The following SRBD1 variants were observed in gnomAD, a reference collection of about 807,000 sequenced individuals.
SRBD1 encodes the protein S1 RNA-binding domain-containing protein 1.
Under a neutral mutation model 115.3 loss-of-function variants are expected in SRBD1, and 88 were observed. The observed-to-expected ratio is 0.76, with a 90% CI of 0.64 to 0.91. The LOEUF (loss-of-function observed/expected upper bound fraction) is 0.91, where lower values mean the gene tolerates loss of function less well. SRBD1 is among the 40% of genes least tolerant of loss of function. SRBD1 has a pLI of 0.00. For missense variants in SRBD1, 1,385 were observed against 1,177.4 expected (o/e 1.18, Z -2.58); for synonymous variants, 509 against 407.7 (o/e 1.25, Z -2.99).
intron 16 of SRBD1, among the ~76,000 whole-genome samples, chr2:45,451,721 T>C (rs1669003348): frequency 6.6e-6 from 1 of 151,786 alleles, no homozygotes; most frequent in South Asian, 2.1e-4. Flanking sequence ...CAACAAGTCT[T>C]TTCTTTTTTT....
At chr2:45,466,330 T>C (rs1669489854) in intron 16 of SRBD1, among the ~76,000 whole-genome samples, 1 of 152,098 alleles carries the variant, frequency 6.6e-6, no homozygotes, top group Non-Finnish European at 1.5e-5. Flanking sequence ...CTTAGGCTAT[T>C]CCTGGAGGCA....
intron 16 of SRBD1, among the ~76,000 whole-genome samples, chr2:45,435,574 A>G (rs200495125): frequency 1.1e-4 from 2 of 18,166 alleles, no homozygotes; most frequent in East Asian, 6.4e-4. Flanking sequence ...AAAAAAAAAC[A>G]AAAAAAAAAA....
intron 14 of SRBD1, among the ~76,000 whole-genome samples, chr2:45,504,257 T>C (rs1267454587): frequency 2.0e-5 from 3 of 152,160 alleles, no homozygotes; most frequent in Non-Finnish European, 2.9e-5. Flanking sequence ...TAAAGCCACT[T>C]GAGAAAAAGC....
chr2:45,556,448 CTTT>C (rs59284495), intron 10 of SRBD1, among the ~76,000 whole-genome samples: 2 of 78,832 alleles, frequency 2.5e-5, no homozygotes, highest in South Asian at 9.7e-4. Flanking sequence ...TGCTCTATTA[CTTT>C]TTTTTTTTTT....
chr2:45,425,559 G>C (rs1003837850), intron 16 of SRBD1, among the ~76,000 whole-genome samples: 2 of 152,118 alleles, frequency 1.3e-5, no homozygotes, highest in Non-Finnish European at 2.9e-5. Flanking sequence ...CCAGTCTGCA[G>C]CTTCCAGCGA....
At chr2:45,427,382 T>C (rs1472998229) in intron 16 of SRBD1, among the ~76,000 whole-genome samples, 2 of 150,672 alleles carry the variant, frequency 1.3e-5, no homozygotes, top group East Asian at 2.0e-4. Flanking sequence ...AGGAGACCCA[T>C]ACCATGTGCA....
At position 45,441,907 on chromosome 2, in the gene SRBD1, C is replaced by T. The variant is rs3755075; in HGVS notation, c.2050-22013G>A. 2.3e-3 allele frequency among the ~76,000 whole-genome samples: 357 copies of T among 152,270 alleles called. 10 individuals are homozygous for T. The East Asian group carries it at 0.062, about 26-fold the overall frequency. Reference sequence around the variant, plus strand: ...CCATAGGCCCTCCCACTCCAAGCTGCCAAATTCTCATGCCAATACTTTCTG... The same window carrying T: ...CCATAGGCCCTCCCACTCCAAGCTGTCAAATTCTCATGCCAATACTTTCTG... On this transcript the variant is annotated intron_variant, in intron 16 of 20. Coordinates refer to ENST00000263736, the MANE Select transcript of SRBD1 (RefSeq NM_018079.5).
intron 15 of SRBD1, among the ~76,000 whole-genome samples, chr2:45,483,676 A>T (rs1428938397): frequency 6.6e-6 from 1 of 152,074 alleles, no homozygotes; most frequent in Non-Finnish European, 1.5e-5. Flanking sequence ...TTTAAAGTCC[A>T]ATATTCATCT....
intron 14 of SRBD1, among the ~76,000 whole-genome samples, chr2:45,519,150 A>C (rs1344686636): frequency 6.6e-6 from 1 of 152,166 alleles, no homozygotes; most frequent in Non-Finnish European, 1.5e-5. Context: ...AGGTTAAACA[A>C]GATAGCTCCT....
intron 12 of SRBD1, 102 bp downstream of exon 12, chr2:45,551,023 G>A: frequency 7.2e-7 from 1 of 1,383,012 alleles, no homozygotes. Context: ...CACTTTTTAA[G>A]CCTTTAAAAT....
chr2:45,563,914 A>G (rs760846575), intron 9 of SRBD1, among the ~76,000 whole-genome samples: 2 of 152,212 alleles, frequency 1.3e-5, no homozygotes, highest in Non-Finnish European at 2.9e-5. Flanking sequence ...TTTCCAAAAG[A>G]TATTAGAGAA....
intron 15 of SRBD1, among the ~76,000 whole-genome samples, chr2:45,478,747 C>A (rs995046875): frequency 2.0e-5 from 3 of 152,138 alleles, no homozygotes; most frequent in African/African-American, 7.2e-5. Flanking sequence ...AACACATATA[C>A]ATTGCCAAAA....
chr2:45,423,356 G>A (rs1488457469), intron 16 of SRBD1, among the ~76,000 whole-genome samples: 2 of 152,050 alleles, frequency 1.3e-5, no homozygotes, highest in South Asian at 2.1e-4. Context: ...ATTTTATATG[G>A]TTTAAATGTA....
chr2:45,602,038 C>A lies in SRBD1; in HGVS notation c.126G>T (p.Glu42Asp). 6.2e-7 allele frequency: 1 copy of A among 1,614,122 alleles called. No individual in the cohort carries two copies. The highest frequency in any genetic ancestry group is 8.5e-7 in the Non-Finnish European group (1 of 1,180,006). Reference sequence around the variant, plus strand: ...GGCTTCTGGGAACTTTCTTTTGGGGCTCCCAGGCACTATCTTCCTTGTCAT... The same window carrying A: ...GGCTTCTGGGAACTTTCTTTTGGGGATCCCAGGCACTATCTTCCTTGTCAT... ...EEDDKEDSAW[E>D]PQKKVPRSRK... The change falls in exon 3 of 21, where the codon GAG (glutamate) becomes GAT (aspartate). Residue 42 changes from glutamate (E) to aspartate (D), a missense_variant. Physicochemically the swap from Glu to Asp is conservative, Grantham distance 45. Coordinates refer to ENST00000263736, the MANE Select transcript of SRBD1 (RefSeq NM_018079.5).
chr2:45,603,112 G>A (rs1674151690), intron 2 of SRBD1, among the ~76,000 whole-genome samples: 1 of 152,172 alleles, frequency 6.6e-6, no homozygotes, highest in Admixed American at 6.5e-5. Context: ...ATCAAACTGA[G>A]CAGGATGACT....
At chr2:45,417,020 C>T (rs1017576428) in intron 18 of SRBD1, among the ~76,000 whole-genome samples, 4 of 152,166 alleles carry the variant, frequency 2.6e-5, no homozygotes, top group South Asian at 2.1e-4. Flanking sequence ...CTCAGGTGAA[C>T]GACGGCTCCT....
intron 4 of SRBD1, among the ~76,000 whole-genome samples, chr2:45,587,290 A>C (rs1184477894): frequency 6.8e-6 from 1 of 147,918 alleles, no homozygotes; most frequent in Non-Finnish European, 1.5e-5. Context: ...TTAAAATACT[A>C]ATATTTACAA....
intron 16 of SRBD1, among the ~76,000 whole-genome samples, chr2:45,426,464 A>G (rs933322403): frequency 6.6e-6 from 1 of 152,278 alleles, no homozygotes; most frequent in East Asian, 1.9e-4. Flanking sequence ...GATCTGAAGA[A>G]AGCAGTGGAT....
intron 15 of SRBD1, among the ~76,000 whole-genome samples, chr2:45,486,461 C>T (rs542244129): frequency 2.6e-4 from 40 of 152,286 alleles, no homozygotes; most frequent in African/African-American, 8.7e-4. Context: ...GGTGCGGTGG[C>T]TCACGCCTGT....
Sources: allele counts gnomAD v4.1 joint callset (sites outside exome capture counted in the v4.1 genomes callset), GRCh38; gene constraint gnomAD v4.1.1; transcripts MANE v1.5; gene names NCBI Gene and HGNC (gene_info 2026-07-23, HGNC 2026-07-21).